The following PTPRR variants were observed in gnomAD, a reference collection of about 807,000 sequenced individuals.
PTPRR encodes receptor-type tyrosine-protein phosphatase R.
Under a neutral mutation model 77.2 loss-of-function variants are expected in PTPRR, and 38 were observed. The observed-to-expected ratio is 0.49, with a 90% CI of 0.38 to 0.65. PTPRR has a LOEUF of 0.65. Among genes scored for constraint, PTPRR ranks in the 30% least tolerant of loss-of-function variants. The pLI, the probability that PTPRR is intolerant of heterozygous loss-of-function variation, is 0.00. For missense variants in PTPRR, 744 were observed against 799.2 expected (o/e 0.93, Z 0.83); for synonymous variants, 299 against 283.1 (o/e 1.06, Z -0.57).
At chr12:70,911,293 G>C (rs1377881913) in intron 1 of PTPRR, among the ~76,000 whole-genome samples, 1 of 152,124 alleles carries the variant, frequency 6.6e-6, no homozygotes, top group East Asian at 1.9e-4. Context: ...GGTCAGTAGA[G>C]AAGAAGGATG....
chr12:70,880,186 T>C (rs1458027937), intron 2 of PTPRR, among the ~76,000 whole-genome samples: 3 of 152,208 alleles, frequency 2.0e-5, no homozygotes, highest in Non-Finnish European at 2.9e-5. Context: ...TCAAGAGTGA[T>C]GCTAAATGCT....
chr12:70,815,756 T>A (rs559719506), intron 2 of PTPRR, among the ~76,000 whole-genome samples: 2 of 152,292 alleles, frequency 1.3e-5, no homozygotes, highest in South Asian at 4.1e-4. Flanking sequence ...CATTCATTGA[T>A]TAACTCACTA....
intron 10 of PTPRR, among the ~76,000 whole-genome samples, chr12:70,681,501 C>T (rs1234723556): frequency 6.6e-6 from 1 of 152,186 alleles, no homozygotes; most frequent in Non-Finnish European, 1.5e-5. Flanking sequence ...GGGGATGCAT[C>T]TCCTTGTTCT....
chr12:70,764,560 C>A, intron 3 of PTPRR, 105 bp downstream of exon 3: 1 of 870,334 alleles, frequency 1.1e-6, no homozygotes, highest in Non-Finnish European at 1.9e-6. Flanking sequence ...CATGACGTGC[C>A]GGATTTGGCT....
chr12:70,668,463 C>G (rs10506602), intron 10 of PTPRR, among the ~76,000 whole-genome samples: 9,366 of 152,186 alleles, frequency 0.062, 459 homozygotes, highest in East Asian at 0.15. Flanking sequence ...TCCAACAGTC[C>G]AATTTCTGAG....
chr12:70,888,843 C>T (rs538570364), intron 2 of PTPRR, among the ~76,000 whole-genome samples: 36 of 152,144 alleles, frequency 2.4e-4, no homozygotes, highest in African/African-American at 7.9e-4. Context: ...TAATCACTGT[C>T]AAGAAGTATA....
intron 2 of PTPRR, among the ~76,000 whole-genome samples, chr12:70,813,027 T>C (rs1891837834): frequency 6.6e-6 from 1 of 152,220 alleles, no homozygotes; most frequent in Non-Finnish European, 1.5e-5. Flanking sequence ...TCCGACATAA[T>C]TTGCTATACT....
intron 2 of PTPRR, among the ~76,000 whole-genome samples, chr12:70,781,021 T>C (rs1457824855): frequency 6.6e-6 from 1 of 152,222 alleles, no homozygotes; most frequent in African/African-American, 2.4e-5. Context: ...GAAAATTTGC[T>C]TGAAGGAGGT....
At chr12:70,899,207 C>T (rs774226580) in intron 1 of PTPRR, among the ~76,000 whole-genome samples, 12 of 150,968 alleles carry the variant, frequency 7.9e-5, no homozygotes, top group Non-Finnish European at 1.3e-4. Flanking sequence ...GAACATTCAC[C>T]GAAATCATCT....
At chr12:70,641,418 A>G (rs1388946514) in intron 13 of PTPRR, among the ~76,000 whole-genome samples, 1 of 152,350 alleles carries the variant, frequency 6.6e-6, no homozygotes, top group East Asian at 1.9e-4. Context: ...GAATGGAGAC[A>G]CAGTTTAGAA....
rs1893703546 is a variant in PTPRR, at chr12:70,911,751, A to AG, written c.58+8581_58+8582insC. Reference sequence around the variant, plus strand: ...AAACTATCAAGAAAAGGCTCAACTGAAAAAAAAAAAAAAAAACCACTCAGA... The same window carrying AG: ...AAACTATCAAGAAAAGGCTCAACTGAGAAAAAAAAAAAAAAAACCACTCAGA... On this transcript the variant is annotated intron_variant, in intron 1 of 13. Coordinates refer to ENST00000283228, the MANE Select transcript of PTPRR (RefSeq NM_002849.4). 1.1e-4 allele frequency among the ~76,000 whole-genome samples: 3 copies of AG among 27,134 alleles called. No homozygotes were observed. In the East Asian group the frequency reaches 4.9e-3, roughly 44 times the overall value. The allele number at this position is 27,134 out of a possible 152,430, so 17.8% of individuals were successfully genotyped here. A position where few individuals can be genotyped will look rare whatever the true frequency, so the allele number is the denominator to read the frequency against.
At chr12:70,809,982 G>A (rs563737013) in intron 2 of PTPRR, among the ~76,000 whole-genome samples, 11 of 152,252 alleles carry the variant, frequency 7.2e-5, no homozygotes, top group East Asian at 1.9e-4. Context: ...GATGGACTTC[G>A]AAATGGAAAG....
At chr12:70,653,787 C>G (rs542404299) in intron 13 of PTPRR, among the ~76,000 whole-genome samples, 1 of 152,162 alleles carries the variant, frequency 6.6e-6, no homozygotes, top group East Asian at 1.9e-4. Context: ...AGTAACTTGC[C>G]CAAGGCCATA....
chr12:70,663,353 C>T (rs1886865371), intron 10 of PTPRR, among the ~76,000 whole-genome samples: 1 of 152,206 alleles, frequency 6.6e-6, no homozygotes, highest in East Asian at 1.9e-4. Flanking sequence ...TTCTACCATT[C>T]ATTACCTGTG....
chr12:70,770,966 A>G, intron 2 of PTPRR, among the ~76,000 whole-genome samples: 1 of 134,698 alleles, frequency 7.4e-6, no homozygotes, highest in Non-Finnish European at 1.6e-5. Context: ...AGAACTCATG[A>G]ACACAGGAAG....
At chr12:70,846,515 T>C (rs1461190243) in intron 2 of PTPRR, among the ~76,000 whole-genome samples, 1 of 152,162 alleles carries the variant, frequency 6.6e-6, no homozygotes, top group Non-Finnish European at 1.5e-5. Flanking sequence ...AATGTTTGTG[T>C]CCTCTCAAAA....
At chr12:70,690,379 G>C (rs1389054095) in intron 8 of PTPRR, among the ~76,000 whole-genome samples, 1 of 152,040 alleles carries the variant, frequency 6.6e-6, no homozygotes, top group East Asian at 1.9e-4. Flanking sequence ...AAACATCTGG[G>C]GTTTGTATAT....
intron 2 of PTPRR, among the ~76,000 whole-genome samples, chr12:70,769,809 G>A (rs1326469641): frequency 6.6e-6 from 1 of 151,988 alleles, no homozygotes; most frequent in African/African-American, 2.4e-5. Context: ...TACCAAAACA[G>A]AGATATAGAT....
intron 7 of PTPRR, 70 bp from the exon 8 acceptor site, chr12:70,698,419 T>C (rs1330973888): frequency 7.4e-7 from 1 of 1,349,916 alleles, no homozygotes; most frequent in African/African-American, 1.4e-5. Flanking sequence ...CAGGGGGGCA[T>C]CTGATCCAGA....
Sources: allele counts gnomAD v4.1 joint callset (sites outside exome capture counted in the v4.1 genomes callset), GRCh38; gene constraint gnomAD v4.1.1; transcripts MANE v1.5; gene names NCBI Gene and HGNC (gene_info 2026-07-23, HGNC 2026-07-21).